Variants in STK32A observed in about 807,000 individuals in gnomAD.
STK32A encodes serine/threonine-protein kinase 32A.
In STK32A, 41 loss-of-function variants were observed where a neutral mutation model predicts 53.2. The ratio of observed to expected loss-of-function variants is 0.77; its 90% confidence interval spans 0.60 to 1.00. STK32A has a LOEUF of 1.00. STK32A is among the 50% of genes least tolerant of loss of function. The pLI, the probability that STK32A is intolerant of heterozygous loss-of-function variation, is 0.00. For synonymous variants in STK32A, 166 were observed against 162.8 expected (o/e 1.02, Z -0.15); for missense variants, 458 against 485.8 (o/e 0.94, Z 0.54).
At chr5:147,315,323 C>A (rs75968416) in intron 4 of STK32A, among the ~76,000 whole-genome samples, 8,050 of 152,156 alleles carry the variant, frequency 0.053, 383 homozygotes, top group African/African-American at 0.12. Context: ...AGAAATAACC[C>A]GAATGTCCAT....
chr5:147,248,587 C>T (rs954383461), intron 2 of STK32A, among the ~76,000 whole-genome samples: 2 of 152,144 alleles, frequency 1.3e-5, no homozygotes, highest in Non-Finnish European at 2.9e-5. Flanking sequence ...ATGTTGATCC[C>T]CCCATCCTGC....
chr5:147,269,780 T>C (rs1754951950), intron 2 of STK32A, among the ~76,000 whole-genome samples: 1 of 152,180 alleles, frequency 6.6e-6, no homozygotes, highest in African/African-American at 2.4e-5. Flanking sequence ...ATGTGAAATA[T>C]TTACCAAATA....
chr5:147,343,116 GTATT>G lies in STK32A; in HGVS notation c.472+74_472+77del, dbSNP rs1032013220. ...AAAGTTGATTGTTCCCAGCAGAGGG[GTATT>G]ACACATGAAAAAGGTATTTTGTTCT... On this transcript the variant is annotated intron_variant, in intron 6 of 12. Transcript: ENST00000397936. 40 of 1,487,150 alleles carry G rather than the reference GTATT, an allele frequency of 2.7e-5. No homozygotes were observed. In the African/African-American group the frequency reaches 5.4e-4, roughly 20 times the overall value. The allele number at this position is 1,487,150 out of a possible 1,614,324, so 92.1% of individuals were successfully genotyped here. A position where few individuals can be genotyped will look rare whatever the true frequency, so the allele number is the denominator to read the frequency against.
At chr5:147,288,767 C>G (rs1381259978) in intron 4 of STK32A, among the ~76,000 whole-genome samples, 1 of 152,162 alleles carries the variant, frequency 6.6e-6, no homozygotes, top group Non-Finnish European at 1.5e-5. Context: ...CACCAGGCCC[C>G]ACCTCCAGCA....
intron 4 of STK32A, among the ~76,000 whole-genome samples, chr5:147,308,985 G>A (rs1753559405): frequency 6.6e-6 from 1 of 150,576 alleles, no homozygotes; most frequent in Admixed American, 6.6e-5. Flanking sequence ...TTATAAATAT[G>A]TATTCTATTT....
intron 4 of STK32A, among the ~76,000 whole-genome samples, chr5:147,309,661 G>A (rs1400052097): frequency 2.0e-5 from 3 of 152,134 alleles, no homozygotes; most frequent in Non-Finnish European, 2.9e-5. Context: ...TTAAAGAATC[G>A]TATATATGCA....
intron 2 of STK32A, among the ~76,000 whole-genome samples, chr5:147,277,049 T>C (rs575611589): frequency 5.9e-5 from 9 of 152,202 alleles, no homozygotes; most frequent in Non-Finnish European, 1.3e-4. Context: ...CTCTCAGATA[T>C]CTTGGAAAGA....
intron 5 of STK32A, among the ~76,000 whole-genome samples, chr5:147,330,526 A>C (rs1169819941): frequency 6.6e-6 from 1 of 152,226 alleles, no homozygotes; most frequent in African/African-American, 2.4e-5. Context: ...CACCGTACAC[A>C]GTCTGTTCAC....
intron 2 of STK32A, among the ~76,000 whole-genome samples, chr5:147,263,137 C>T (rs1419017913): frequency 6.6e-6 from 1 of 152,100 alleles, no homozygotes; most frequent in Non-Finnish European, 1.5e-5. Context: ...ACTGGGGCAC[C>T]CAGCCTCCTC....
At chr5:147,242,493 G>A (rs1010845759) in intron 2 of STK32A, among the ~76,000 whole-genome samples, 3 of 150,576 alleles carry the variant, frequency 2.0e-5, no homozygotes, top group Non-Finnish European at 4.4e-5. Flanking sequence ...CTTACAGACA[G>A]TGACAGTGAT....
rs1440543847 is a variant in STK32A, at chr5:147,385,473, C to T, written c.*1490C>T. The T allele has an allele frequency of 6.6e-6, 1 of 152,194 alleles. No individual in the cohort carries two copies. Among genetic ancestry groups the T allele is most frequent in the African/African-American group, 2.4e-5 (1 of 41,446 alleles). The allele number at this position is 152,194 out of a possible 1,614,324, so 9.4% of individuals were successfully genotyped here. ...CTCTTAGAACAGTGGAATGCCCACA[C>T]ATCCAAGACAGGCAAGTTCATGGAG... is the stretch of plus-strand genomic sequence containing the variant. On this transcript the variant is annotated 3_prime_UTR_variant, in exon 13 of 13. Transcript: ENST00000397936.
At position 147,379,996 on chromosome 5, in the gene STK32A, G is replaced by A. The variant is rs146087851; in HGVS notation, c.1033-3445G>A. Among the ~76,000 whole-genome samples the A allele has an allele frequency of 1.6e-4, 25 of 152,164 alleles. No individual in the cohort carries two copies. In the East Asian group the frequency reaches 4.8e-3, roughly 29 times the overall value. Reference sequence around the variant, plus strand: ...TTAAACTTCTCCACCTAAAGCAGAGGAAAAAGAACAAGTTGAACATGAACC... The same window carrying A: ...TTAAACTTCTCCACCTAAAGCAGAGAAAAAAGAACAAGTTGAACATGAACC... On this transcript the variant is annotated intron_variant, in intron 11 of 12. Transcript: ENST00000397936.
At chr5:147,330,931 C>G (rs763644863) in intron 5 of STK32A, among the ~76,000 whole-genome samples, 1 of 152,204 alleles carries the variant, frequency 6.6e-6, no homozygotes, top group Non-Finnish European at 1.5e-5. Context: ...TTATTTCAGG[C>G]AGAGATCTGG....
intron 2 of STK32A, among the ~76,000 whole-genome samples, chr5:147,260,147 TG>T (rs1754454387): frequency 1.6e-5 from 2 of 126,242 alleles, no homozygotes; most frequent in Non-Finnish European, 1.7e-5. Context: ...CTCTCTCTCC[TG>T]TCTCTCTCCT....
intron 1 of STK32A, among the ~76,000 whole-genome samples, chr5:147,237,466 A>C (rs748118111): frequency 2.0e-5 from 3 of 151,992 alleles, no homozygotes; most frequent in Non-Finnish European, 2.9e-5. Context: ...ACAATAAAAC[A>C]CTCACAATAA....
At chr5:147,355,859 T>C (rs1756213055) in intron 7 of STK32A, among the ~76,000 whole-genome samples, 2 of 151,536 alleles carry the variant, frequency 1.3e-5, no homozygotes, top group South Asian at 2.1e-4. Context: ...TAATAATCCC[T>C]TTGCCAATAG....
chr5:147,278,552 G>A lies in STK32A; in HGVS notation c.108+373G>A, dbSNP rs147942042. On this transcript the variant is annotated intron_variant, in intron 3 of 12. Transcript: ENST00000397936. Reference sequence around the variant, plus strand: ...TGGAAGAGTTACTTATTTTCATGTGGGAAAGAAGTCACCCGATTTCTATTT... The same window carrying A: ...TGGAAGAGTTACTTATTTTCATGTGAGAAAGAAGTCACCCGATTTCTATTT... Among the ~76,000 whole-genome samples the A allele has an allele frequency of 8.9e-3, 1,357 of 152,184 alleles. 19 individuals carry two copies. Among genetic ancestry groups the A allele is most frequent in the African/African-American group, 0.031 (1,272 of 41,532 alleles).
At chr5:147,273,923 T>C (rs779826977) in intron 2 of STK32A, among the ~76,000 whole-genome samples, 3 of 152,138 alleles carry the variant, frequency 2.0e-5, no homozygotes, top group Non-Finnish European at 2.9e-5. Flanking sequence ...GATGTGAAGA[T>C]AGAAAGTGAC....
At chr5:147,277,765 T>C (rs1260075650) in intron 2 of STK32A, among the ~76,000 whole-genome samples, 1 of 152,192 alleles carries the variant, frequency 6.6e-6, no homozygotes, top group Non-Finnish European at 1.5e-5. Context: ...GATATGTTCT[T>C]AGAGCCCCAT....
Sources: gnomAD v4.1 joint callset for allele counts (sites outside exome capture counted in the v4.1 genomes callset) on GRCh38, gnomAD v4.1.1 for gene constraint, MANE v1.5 for transcripts, NCBI Gene and HGNC (gene_info 2026-07-23, HGNC 2026-07-21) for gene names.